MGAT4C: variants seen among roughly 807,000 people sequenced by gnomAD.
The protein encoded by MGAT4C is MGAT4 family member C, also known as alpha-1,3-mannosyl-glycoprotein 4-beta-N-acetylglucosaminyltransferase C.
Under a neutral mutation model 40.1 loss-of-function variants are expected in MGAT4C, and 19 were observed. That is an observed-to-expected ratio of 0.47 (90% CI 0.33 to 0.70). The LOEUF (loss-of-function observed/expected upper bound fraction) is 0.70, where lower values mean the gene tolerates loss of function less well. MGAT4C is among the 30% of genes least tolerant of loss of function. The pLI is 0.02. For missense variants in MGAT4C, 491 were observed against 563.2 expected (o/e 0.87, Z 1.30); for synonymous variants, 181 against 187.1 (o/e 0.97, Z 0.27).
intron 4 of MGAT4C, among the ~76,000 whole-genome samples, chr12:86,329,312 T>G (rs1253064061): frequency 1.3e-5 from 2 of 152,022 alleles, no homozygotes; most frequent in Non-Finnish European, 2.9e-5. Context: ...GGGATTTACT[T>G]TCTATGTTTC....
intron 2 of MGAT4C, among the ~76,000 whole-genome samples, chr12:86,691,122 T>G (rs1325433196): frequency 6.6e-6 from 1 of 152,232 alleles, no homozygotes; most frequent in Non-Finnish European, 1.5e-5. Context: ...CTGTCTATAT[T>G]CAATCCATCT....
intron 1 of MGAT4C, among the ~76,000 whole-genome samples, chr12:86,727,616 A>T (rs1343680215): frequency 6.6e-6 from 1 of 152,146 alleles, no homozygotes; most frequent in East Asian, 1.9e-4. Flanking sequence ...ATACTTAATG[A>T]TACAAAAATT....
At chr12:86,715,704 G>A (rs1352573126) in intron 2 of MGAT4C, among the ~76,000 whole-genome samples, 1 of 152,090 alleles carries the variant, frequency 6.6e-6, no homozygotes, top group Non-Finnish European at 1.5e-5. Flanking sequence ...ACACAGCTAA[G>A]GAAGTCTACT....
At chr12:86,281,031 T>A (rs921213768) in intron 4 of MGAT4C, among the ~76,000 whole-genome samples, 2 of 152,016 alleles carry the variant, frequency 1.3e-5, no homozygotes, top group African/African-American at 4.8e-5. Flanking sequence ...CTATTTATAT[T>A]TTGCTTGTCT....
intron 1 of MGAT4C, among the ~76,000 whole-genome samples, chr12:86,809,236 ATAGAGT>A (rs1244812250): frequency 6.6e-6 from 1 of 152,048 alleles, no homozygotes; most frequent in Non-Finnish European, 1.5e-5. Flanking sequence ...TTGAATGTGT[ATAGAGT>A]TTGTTCTTTT....
intron 1 of MGAT4C, among the ~76,000 whole-genome samples, chr12:86,065,615 CAA>C (rs1269098119): frequency 6.6e-6 from 1 of 152,072 alleles, no homozygotes; most frequent in Non-Finnish European, 1.5e-5. Flanking sequence ...ACTGAATGGG[CAA>C]AAACTGGAAG....
intron 4 of MGAT4C, among the ~76,000 whole-genome samples, chr12:86,304,935 TTTCAGAC>T (rs1187657335): frequency 6.6e-6 from 1 of 150,754 alleles, no homozygotes; most frequent in African/African-American, 2.5e-5. Context: ...ATCACCTTGA[TTTCAGAC>T]TTCTAGCCTT....
intron 2 of MGAT4C, among the ~76,000 whole-genome samples, chr12:86,543,381 C>A (rs1179370445): frequency 6.6e-6 from 1 of 151,382 alleles, no homozygotes; most frequent in Non-Finnish European, 1.5e-5. Flanking sequence ...GATTAACACC[C>A]AGAAAGGACA....
chr12:86,152,405 G>A (rs751181944), intron 1 of MGAT4C, among the ~76,000 whole-genome samples: 1 of 152,158 alleles, frequency 6.6e-6, no homozygotes, highest in Non-Finnish European at 1.5e-5. Flanking sequence ...CAGAACAGTG[G>A]AGGAAAGCAA....
chr12:86,743,314 G>A (rs1160260507), intron 1 of MGAT4C, among the ~76,000 whole-genome samples: 1 of 151,428 alleles, frequency 6.6e-6, no homozygotes, highest in African/African-American at 2.4e-5. Context: ...TATATACAAA[G>A]AAAATATATT....
At chr12:86,313,251 GA>G (rs1954123335) in intron 4 of MGAT4C, among the ~76,000 whole-genome samples, 1 of 152,104 alleles carries the variant, frequency 6.6e-6, no homozygotes, top group South Asian at 2.1e-4. Flanking sequence ...TAATCTGTGT[GA>G]AATCATTGAG....
chr12:86,828,167 G>A (rs2136233322), intron 1 of MGAT4C, among the ~76,000 whole-genome samples: 1 of 150,942 alleles, frequency 6.6e-6, no homozygotes, highest in East Asian at 2.0e-4. Flanking sequence ...TTATGGTAAA[G>A]CTAATTATTT....
At chr12:86,454,565 GTAGA>G (rs1187305534) in intron 2 of MGAT4C, among the ~76,000 whole-genome samples, 1 of 151,978 alleles carries the variant, frequency 6.6e-6, no homozygotes, top group Non-Finnish European at 1.5e-5. Flanking sequence ...AGATTGATAG[GTAGA>G]TAGACAGACA....
intron 3 of MGAT4C, among the ~76,000 whole-genome samples, chr12:86,358,182 C>T (rs1046683357): frequency 6.6e-6 from 1 of 152,156 alleles, no homozygotes; most frequent in Non-Finnish European, 1.5e-5. Context: ...ATACAACATT[C>T]TTAAAGAAAA....
At chr12:86,286,853 C>A (rs1218969306) in intron 4 of MGAT4C, among the ~76,000 whole-genome samples, 1 of 150,482 alleles carries the variant, frequency 6.6e-6, no homozygotes, top group African/African-American at 2.4e-5. Context: ...TTTTTCTGTA[C>A]CCCTGTAAGT....
intron 2 of MGAT4C, among the ~76,000 whole-genome samples, chr12:86,480,966 C>A (rs1957928083): frequency 6.6e-6 from 1 of 151,738 alleles, no homozygotes; most frequent in Non-Finnish European, 1.5e-5. Context: ...TAAAACTACC[C>A]ATATATTATT....
intron 2 of MGAT4C, among the ~76,000 whole-genome samples, chr12:86,677,833 A>G (rs1345902054): frequency 1.3e-5 from 2 of 152,134 alleles, no homozygotes; most frequent in African/African-American, 4.8e-5. Flanking sequence ...TTAATTTTCA[A>G]TTAACCTTTC....
At chr12:86,194,734 G>C (rs935192284) in intron 1 of MGAT4C, among the ~76,000 whole-genome samples, 2 of 152,086 alleles carry the variant, frequency 1.3e-5, no homozygotes, top group African/African-American at 4.8e-5. Flanking sequence ...AAAGTGCTGG[G>C]ATTACAGGCA....
At chr12:86,375,031 A>G (rs1046409471) in intron 3 of MGAT4C, among the ~76,000 whole-genome samples, 1 of 151,876 alleles carries the variant, frequency 6.6e-6, no homozygotes, top group Admixed American at 6.6e-5. Flanking sequence ...TATGTTTAGC[A>G]CTCCCTACTG....
Sources: allele counts gnomAD v4.1 joint callset (sites outside exome capture counted in the v4.1 genomes callset), GRCh38; gene constraint gnomAD v4.1.1; transcripts MANE v1.5; gene names NCBI Gene and HGNC (gene_info 2026-07-23, HGNC 2026-07-21).